The following UCP2 variants were observed in gnomAD, a reference collection of about 807,000 sequenced individuals.
UCP2 encodes the protein uncoupling protein 2.
Under a neutral mutation model 31.3 loss-of-function variants are expected in UCP2, and 27 were observed. The observed-to-expected ratio is 0.86, with a 90% CI of 0.64 to 1.19. UCP2 has a LOEUF of 1.19. Among genes scored for constraint, UCP2 ranks in the 50% most tolerant of loss-of-function variants. UCP2 has a pLI of 0.00. For synonymous variants in UCP2, 142 were observed against 157.4 expected (o/e 0.90, Z 0.73); for missense variants, 377 against 413.5 (o/e 0.91, Z 0.76).
chr11:73,976,986 G>A lies in UCP2; in HGVS notation c.369C>T (p.Gly123=). The A allele has an allele frequency of 6.2e-7, 1 of 1,603,724 alleles. No homozygotes were observed. The highest frequency in any genetic ancestry group is 8.5e-7 in the Non-Finnish European group (1 of 1,172,738). Residue 123 remains glycine (G), a synonymous_variant, in exon 5 of 8, where the codon GGC becomes GGT. Coordinates refer to ENST00000663595, the MANE Select transcript of UCP2 (RefSeq NM_003355.3). ...HASIGSRLLA[G]STTGALAVAV... Reference sequence around the variant, plus strand: ...CCACAGCCAGGGCACCTGTGGTGCTGCCTGCTAGGAGGCGGCTCCCAATGC... The same window carrying A: ...CCACAGCCAGGGCACCTGTGGTGCTACCTGCTAGGAGGCGGCTCCCAATGC...
chr11:73,980,547 C>G (rs1054953692), intron 2 of UCP2: 4 of 150,378 alleles, frequency 2.7e-5, no homozygotes, highest in African/African-American at 7.3e-5. Context: ...CCCCCTTCCC[C>G]CAGGAGGTGC....
At chr11:73,977,141 T>C in intron 4 of UCP2, 124 bp from the exon 5 acceptor site, 1 of 1,057,094 alleles carries the variant, frequency 9.5e-7, no homozygotes, top group Non-Finnish European at 1.3e-6. Flanking sequence ...CAGAAGCTTT[T>C]GGCCTTCTAC....
intron 6 of UCP2, 31 bp downstream of exon 6, chr11:73,976,610 G>A (rs1311652960): frequency 1.9e-6 from 3 of 1,575,684 alleles, no homozygotes; most frequent in Non-Finnish European, 2.6e-6. Context: ...GGGGAAGGGT[G>A]AGACCCAGCA....
intron 2 of UCP2, chr11:73,980,815 G>A (rs1236975619): frequency 6.6e-6 from 1 of 152,244 alleles, no homozygotes; most frequent in East Asian, 1.9e-4. Context: ...AGAAGGCTCA[G>A]GCAAATGGTA....
Position 73,974,854 on chromosome 11 carries a change from A to T in UCP2, c.*153T>A, listed in dbSNP as rs1236015694. On this transcript the variant is annotated 3_prime_UTR_variant, in exon 8 of 8. Coordinates refer to ENST00000663595, the MANE Select transcript of UCP2 (RefSeq NM_003355.3). ...GACAATGAGTAGATGAGAATGTAGAAAGAGGGAAGGTGGTAGGTAAAGGAG... is the reference window on the plus strand; with the variant it reads ...GACAATGAGTAGATGAGAATGTAGATAGAGGGAAGGTGGTAGGTAAAGGAG... 1 of 737,142 alleles carries T rather than the reference A, an allele frequency of 1.4e-6. No homozygotes were observed. The highest frequency in any genetic ancestry group is 2.4e-6 in the Non-Finnish European group (1 of 412,716). The allele number at this position is 737,142 out of a possible 1,614,324, so 45.7% of individuals were successfully genotyped here.
chr11:73,978,898 A>G (rs1043668164), intron 2 of UCP2: 6 of 212,762 alleles, frequency 2.8e-5, no homozygotes, highest in Non-Finnish European at 4.8e-5. Flanking sequence ...CCATAGGCTT[A>G]TGTTCTGGAT....
intron 1 of UCP2, 59 bp from the exon 2 acceptor site, chr11:73,981,691 C>A (rs1403945553): frequency 6.6e-6 from 1 of 152,360 alleles, no homozygotes; most frequent in Non-Finnish European, 1.5e-5. Flanking sequence ...GACACACAAG[C>A]CCACCCAATC....
chr11:73,978,741 T>C lies in UCP2; in HGVS notation c.-99-264A>G, dbSNP rs375151939. 6.6e-5 allele frequency: 23 copies of C among 350,442 alleles called. No homozygotes were observed. In the East Asian group the frequency reaches 1.4e-3, roughly 22 times the overall value. The allele number at this position is 350,442 out of a possible 1,614,324, so 21.7% of individuals were successfully genotyped here. A position where few individuals can be genotyped will look rare whatever the true frequency, so the allele number is the denominator to read the frequency against. ...GGATCAGAGCTCTCCTAGCGCTGCC[T>C]CATAAACAGCCACTGGACCAGCCCT... On this transcript the variant is annotated intron_variant, in intron 2 of 7. Coordinates refer to ENST00000663595, the MANE Select transcript of UCP2 (RefSeq NM_003355.3).
In UCP2 at chr11:73,976,929, G is replaced by C. The variant is rs1185640867; in HGVS notation, c.426C>G (p.Val142=). ...CAGCCCGGGCCTGAGCTTGGAATCG[G>C]ACCTTTACCACATCCGTGGGCTGGG... The part of the protein sequence containing the change: ...AVAQPTDVVK[V]RFQAQARAGG... The change falls in exon 5 of 8, where the codon GTC becomes GTG. Residue 142 remains valine (V), a synonymous_variant. Transcript: ENST00000663595. 6.2e-7 allele frequency: 1 copy of C among 1,613,086 alleles called. No homozygotes were observed. Among genetic ancestry groups the C allele is most frequent in the Non-Finnish European group, 8.5e-7 (1 of 1,179,204 alleles).
At position 73,978,423 on chromosome 11, in the gene UCP2, A is replaced by G; in HGVS notation, c.-45T>C. ...GTCCCAGGAGATGGAGAAAAACTGG[A>G]GACAGGGGCACCTTTAATCAGCAAC... On this transcript the variant is annotated 5_prime_UTR_variant, in exon 3 of 8. Coordinates refer to ENST00000663595, the MANE Select transcript of UCP2 (RefSeq NM_003355.3). The G allele has an allele frequency of 1.9e-6, 3 of 1,613,304 alleles. No individual in the cohort carries two copies. Among genetic ancestry groups the G allele is most frequent in the Non-Finnish European group, 2.5e-6 (3 of 1,179,774 alleles).
rs189457783 is a variant in UCP2, at chr11:73,980,717, C to T, written c.-100+759G>A. 11 of 152,384 alleles carry T rather than the reference C, an allele frequency of 7.2e-5. No homozygotes were observed. The East Asian group carries it at 1.7e-3, about 24-fold the overall frequency. 9.4% of individuals were successfully genotyped at this position (152,384 alleles called of 1,614,324 possible). On this transcript the variant is annotated intron_variant, in intron 2 of 7. Coordinates refer to ENST00000663595, the MANE Select transcript of UCP2 (RefSeq NM_003355.3). The stretch of plus-strand genomic sequence containing the variant: ...TTTGCTTTGCACTGCTGCCCAGCTC[C>T]TCAGTTCGTTCTTGCTGTTTTATCA...
chr11:73,982,572 C>A (rs1951477352), intron 1 of UCP2, 149 bp downstream of exon 1: 2 of 152,404 alleles, frequency 1.3e-5, no homozygotes, highest in East Asian at 1.9e-4. Context: ...GAAAGCCTGT[C>A]TCAAACAAAC....
rs1329714331 is a variant in UCP2 at position 73,975,130 on chromosome 11, G to A, written c.816-9C>T. The A allele has an allele frequency of 1.2e-6, 2 of 1,607,320 alleles. No individual in the cohort carries two copies. The highest frequency in any genetic ancestry group is 8.5e-7 in the Non-Finnish European group (1 of 1,176,526). On this transcript the variant is annotated splice_polypyrimidine_tract_variant and intron_variant, in intron 7 of 7. Transcript: ENST00000663595. ...GAAAGGAGGGCATGAACCTAGAGGA[G>A]AAAAATCACAGGTCATGGGGGCACC...
chr11:73,979,840 A>C (rs929818223), intron 2 of UCP2: 2 of 151,456 alleles, frequency 1.3e-5, no homozygotes, highest in Non-Finnish European at 2.9e-5. Flanking sequence ...AACAAACCCC[A>C]AAAAACCTAA....
In UCP2 at chr11:73,975,148, G is replaced by A; in HGVS notation, c.816-27C>T. 2.5e-6 allele frequency: 4 copies of A among 1,582,160 alleles called. No individual in the cohort carries two copies. In the South Asian group the frequency reaches 4.5e-5, roughly 18 times the overall value. On this transcript the variant is annotated intron_variant, in intron 7 of 7. Coordinates refer to ENST00000663595, the MANE Select transcript of UCP2 (RefSeq NM_003355.3). Reference sequence around the variant, plus strand: ...TAGAGGAGAAAAATCACAGGTCATGGGGGCACCTCCACCTCCCACTTCCCT... The same window carrying A: ...TAGAGGAGAAAAATCACAGGTCATGAGGGCACCTCCACCTCCCACTTCCCT...
intron 6 of UCP2, among the ~76,000 whole-genome samples, chr11:73,976,036 C>T (rs908625733): frequency 6.6e-6 from 1 of 152,024 alleles, no homozygotes; most frequent in Non-Finnish European, 1.5e-5. Flanking sequence ...CACTGCACTC[C>T]AGCCTGGGCA....
chr11:73,976,864 T>C lies in UCP2; in HGVS notation c.491A>G (p.Lys164Arg), dbSNP rs969848171. Reference sequence around the variant, plus strand: ...GAACCCTTCCTCTCGGGCAATGGTCTTGTAGGCATTGACGGTGCTTTGGTA... The same window carrying C: ...GAACCCTTCCTCTCGGGCAATGGTCCTGTAGGCATTGACGGTGCTTTGGTA... ...RRYQSTVNAY[K>R]TIAREEGFRG... The change falls in exon 5 of 8, where the codon AAG becomes AGG. Residue 164 changes from lysine to arginine, a missense_variant. Coordinates refer to ENST00000663595, the MANE Select transcript of UCP2 (RefSeq NM_003355.3). 1.2e-6 allele frequency: 2 copies of C among 1,614,210 alleles called. No individual in the cohort carries two copies. Among genetic ancestry groups the C allele is most frequent in the South Asian group, 1.1e-5 (1 of 91,078 alleles).
In UCP2 at chr11:73,981,477, C is replaced by T. The variant is rs941537305; in HGVS notation, c.-101G>A. The stretch of plus-strand genomic sequence containing the variant: ...CTCTTCCTTGGACTGGACTCTTACC[C>T]GGCTTTGTAAGGTCTCACGGTGAGG... On this transcript the variant is annotated splice_region_variant and 5_prime_UTR_variant, in exon 2 of 8. Coordinates refer to ENST00000663595, the MANE Select transcript of UCP2 (RefSeq NM_003355.3). 3.9e-5 allele frequency: 6 copies of T among 152,182 alleles called. No homozygotes were observed. The highest frequency in any genetic ancestry group is 1.9e-4 in the East Asian group (1 of 5,200). 9.4% of individuals were successfully genotyped at this position (152,182 alleles called of 1,614,324 possible).
intron 2 of UCP2, chr11:73,978,840 A>G (rs1951405228): frequency 3.5e-6 from 1 of 286,052 alleles, no homozygotes; most frequent in Non-Finnish European, 6.8e-6. Context: ...GAGAGCTGAC[A>G]GAAGTAGAGA....
Sources: gnomAD v4.1 joint callset for allele counts (sites outside exome capture counted in the v4.1 genomes callset) on GRCh38, gnomAD v4.1.1 for gene constraint, MANE v1.5 for transcripts, NCBI Gene and HGNC (gene_info 2026-07-23, HGNC 2026-07-21) for gene names.